Variants in LAMB3 observed in about 807,000 individuals in gnomAD.
The protein encoded by LAMB3 is laminin subunit beta 3.
In LAMB3, 104 loss-of-function variants were observed where a neutral mutation model predicts 140.3. The observed-to-expected ratio is 0.74, with a 90% confidence interval of 0.63 to 0.87. LAMB3 has a LOEUF of 0.87. Ranked by LOEUF, LAMB3 falls within the 40% of genes least tolerant of loss-of-function variation. The probability of loss-of-function intolerance (pLI) is 0.00; values close to 1 mark genes in which losing one functional copy is unlikely to be tolerated. For synonymous variants in LAMB3, 592 were observed against 602.9 expected (o/e 0.98, Z 0.26); for missense variants, 1,531 against 1,575.2 (o/e 0.97, Z 0.47).
Position 209,634,529 on chromosome 1 carries a change from C to T in LAMB3, c.482G>A (p.Arg161His), listed in dbSNP as rs752418863. The T allele has an allele frequency of 1.1e-5, 18 of 1,614,098 alleles. No homozygotes were observed. Among genetic ancestry groups the T allele is most frequent in the East Asian group, 4.5e-5 (2 of 44,850 alleles). The change falls in exon 6 of 23, where the codon CGC (arginine) becomes CAC (histidine). Residue 161 changes from arginine (R) to histidine (H), a missense_variant. Transcript: ENST00000356082. ...CTGCCAGCTCTGAGGCCGACCCTGG[C>T]GGACCCGAGGGAAGGTGGAGGTGCA... The part of the protein sequence containing the change: ...ADCTSTFPRV[R>H]QGRPQSWQDV...
intron 18 of LAMB3, among the ~76,000 whole-genome samples, chr1:209,619,497 T>C (rs73081651): frequency 0.048 from 7,346 of 152,266 alleles, 587 homozygotes; most frequent in African/African-American, 0.17. Context: ...AGTCAAGTGG[T>C]TCCTCTAAGC....
chr1:209,651,274 C>T (rs1359588943), intron 1 of LAMB3: 14 of 409,132 alleles, frequency 3.4e-5, no homozygotes, highest in South Asian at 2.5e-4. Flanking sequence ...TGCCCTACCC[C>T]ACACAGCCGT....
At position 209,638,564 on chromosome 1, in the gene LAMB3, C is replaced by T. The variant is rs775892223; in HGVS notation, c.268G>A (p.Gly90Ser). The T allele has an allele frequency of 1.5e-5, 25 of 1,613,044 alleles. No homozygotes were observed. Among genetic ancestry groups the T allele is most frequent in the African/African-American group, 9.3e-5 (7 of 74,878 alleles). The change falls in exon 4 of 23, where the codon GGC becomes AGC. Residue 90 changes from glycine to serine, a missense_variant. Gly to Ser is a moderately conservative substitution (Grantham distance 56). Transcript: ENST00000356082. ...HRVENVASSS[G>S]PMRWWQSQND... is the part of the protein sequence containing the mutation. The stretch of plus-strand genomic sequence containing the variant: ...TGTGACTGCCACCAGCGCATGGGGC[C>T]GGAGGATGAAGCCACATTCTCTACT...
chr1:209,647,497 C>T (rs780623113), intron 3 of LAMB3, among the ~76,000 whole-genome samples: 2 of 152,118 alleles, frequency 1.3e-5, no homozygotes, highest in African/African-American at 2.4e-5. Flanking sequence ...TAGGATGTGG[C>T]ACAGAAGAAT....
intron 9 of LAMB3, 27 bp downstream of exon 9, chr1:209,630,588 A>G (rs1666644552): frequency 4.3e-6 from 7 of 1,613,978 alleles, no homozygotes; most frequent in Non-Finnish European, 5.9e-6. Flanking sequence ...CAGACCCTAC[A>G]GGGGAGGGGT....
At chr1:209,625,398 T>C (rs1009279970) in intron 14 of LAMB3, among the ~76,000 whole-genome samples, 6 of 152,170 alleles carry the variant, frequency 3.9e-5, no homozygotes, top group African/African-American at 1.4e-4. Flanking sequence ...GCTCCTGGAC[T>C]GTGTTCTGAG....
At chr1:209,640,248 T>C (rs1558164809) in intron 3 of LAMB3, among the ~76,000 whole-genome samples, 3 of 152,206 alleles carry the variant, frequency 2.0e-5, no homozygotes, top group African/African-American at 4.8e-5. Flanking sequence ...ACATAAGCCC[T>C]TTATAAAGTA....
rs1055786849 is a variant in LAMB3 at position 209,626,668 on chromosome 1, C to T, written c.1597+199G>A. ...GCATGTCACGGGGACGCAGGAACAG[C>T]GGGCATAGGCCTGCCTCAGGGGCTT... On this transcript the variant is annotated intron_variant, in intron 13 of 22. Coordinates refer to ENST00000356082, the MANE Select transcript of LAMB3 (RefSeq NM_000228.3). Among the ~76,000 whole-genome samples, 20 of 152,342 alleles carry T rather than the reference C, an allele frequency of 1.3e-4. No homozygotes were observed. The East Asian group carries it at 2.5e-3, about 19-fold the overall frequency.
intron 6 of LAMB3, among the ~76,000 whole-genome samples, chr1:209,633,644 T>C (rs1666778645): frequency 6.6e-6 from 1 of 152,178 alleles, no homozygotes; most frequent in African/African-American, 2.4e-5. Flanking sequence ...AAAAAGTTCT[T>C]ATCTGGTGTG....
chr1:209,642,902 A>C (rs1201500507), intron 3 of LAMB3, among the ~76,000 whole-genome samples: 2 of 152,376 alleles, frequency 1.3e-5, no homozygotes, highest in Non-Finnish European at 1.5e-5. Context: ...CTCAGTCTTC[A>C]TGGGGATAAT....
At chr1:209,619,204 C>T (rs1471044874) in intron 18 of LAMB3, among the ~76,000 whole-genome samples, 3 of 152,234 alleles carry the variant, frequency 2.0e-5, no homozygotes, top group African/African-American at 7.2e-5. Flanking sequence ...AACCTCCACC[C>T]TGGACTGTAG....
chr1:209,618,835 C>T (rs1306198225), intron 18 of LAMB3, 176 bp from the exon 19 acceptor site: 23 of 667,708 alleles, frequency 3.4e-5, no homozygotes, highest in Non-Finnish European at 5.9e-5. Flanking sequence ...CCAGGGATTT[C>T]TGGGAATGCT....
At chr1:209,635,514 T>C (rs1035617965) in intron 5 of LAMB3, among the ~76,000 whole-genome samples, 1 of 152,184 alleles carries the variant, frequency 6.6e-6, no homozygotes, top group Non-Finnish European at 1.5e-5. Context: ...GCGATTCTCA[T>C]GTCTCAGCCT....
intron 6 of LAMB3, 44 bp from the exon 7 acceptor site, chr1:209,633,177 A>G (rs772205870): frequency 7.1e-7 from 1 of 1,404,662 alleles, no homozygotes; most frequent in Non-Finnish European, 1.0e-6. Flanking sequence ...AGAGACAAAT[A>G]GTGTGCCCCG....
intron 20 of LAMB3, 70 bp downstream of exon 20, chr1:209,617,837 T>C: frequency 1.3e-6 from 2 of 1,593,936 alleles, no homozygotes; most frequent in South Asian, 1.1e-5. Flanking sequence ...TTTCTGGCAT[T>C]TTCTATGCCT....
chr1:209,618,710 A>T, intron 18 of LAMB3, 51 bp from the exon 19 acceptor site: 1 of 1,557,292 alleles, frequency 6.4e-7, no homozygotes, highest in Non-Finnish European at 8.8e-7. Flanking sequence ...CTCCCCAGAG[A>T]TACGAGGCCT....
At position 209,632,570 on chromosome 1, in the gene LAMB3, C is replaced by T; in HGVS notation, c.822+13G>A. On this transcript the variant is annotated intron_variant, in intron 8 of 22. Coordinates refer to ENST00000356082, the MANE Select transcript of LAMB3 (RefSeq NM_000228.3). Reference sequence around the variant, plus strand: ...TGCCCCCTTCCTCTCCCCTTCCCACCCTAGGCTGTTACCTGCACAGCGGTG... The same window carrying T: ...TGCCCCCTTCCTCTCCCCTTCCCACTCTAGGCTGTTACCTGCACAGCGGTG... 6.2e-7 allele frequency: 1 copy of T among 1,612,728 alleles called. No homozygotes were observed. Among genetic ancestry groups the T allele is most frequent in the Non-Finnish European group, 8.5e-7 (1 of 1,178,902 alleles).
At position 209,622,848 on chromosome 1, in the gene LAMB3, A is replaced by C. The variant is rs945203164; in HGVS notation, c.2556+134T>G. On this transcript the variant is annotated intron_variant, in intron 17 of 22. Transcript: ENST00000356082. ...TAAAAGAGAAAAAAAACTATCTTGC[A>C]CTTGCTGTGGCACCTTAAGCAGGTC... The C allele has an allele frequency of 8.9e-6, 12 of 1,353,326 alleles. 1 individual carries two copies. The highest frequency in any genetic ancestry group is 4.0e-4 in the Middle Eastern group (2 of 5,018). The allele number at this position is 1,353,326 out of a possible 1,614,324, so 83.8% of individuals were successfully genotyped here.
intron 20 of LAMB3, 82 bp downstream of exon 20, chr1:209,617,825 A>G (rs1364208433): frequency 2.6e-6 from 4 of 1,559,596 alleles, no homozygotes; most frequent in Non-Finnish European, 1.8e-6. Flanking sequence ...TTATCTAGTC[A>G]CTTTCTGGCA....
Sources: gnomAD v4.1 joint callset for allele counts (sites outside exome capture counted in the v4.1 genomes callset) on GRCh38, gnomAD v4.1.1 for gene constraint, MANE v1.5 for transcripts, NCBI Gene and HGNC (gene_info 2026-07-23, HGNC 2026-07-21) for gene names.